PRKN: variants seen among roughly 807,000 people sequenced by gnomAD.
PRKN encodes the protein parkin RBR E3 ubiquitin protein ligase.
Under a neutral mutation model 59.5 loss-of-function variants are expected in PRKN, and 56 were observed. The ratio of observed to expected loss-of-function variants is 0.94; its 90% CI spans 0.76 to 1.18. The LOEUF is 1.18. Ranked by LOEUF, PRKN falls within the 50% of genes most tolerant of loss-of-function variation. PRKN has a pLI of 0.00. For missense variants in PRKN, 657 were observed against 596.4 expected (o/e 1.10, Z -1.06); for synonymous variants, 250 against 222.1 (o/e 1.13, Z -1.12).
chr6:161,864,012 G>A (rs1226929068), intron 6 of PRKN, among the ~76,000 whole-genome samples: 1 of 152,148 alleles, frequency 6.6e-6, no homozygotes, highest in Admixed American at 6.5e-5. Flanking sequence ...TGCTGGTAGA[G>A]GGTCTTGCCT....
intron 2 of PRKN, among the ~76,000 whole-genome samples, chr6:162,314,461 C>G (rs1193741501): frequency 6.6e-6 from 1 of 151,928 alleles, no homozygotes; most frequent in African/African-American, 2.4e-5. Context: ...CTAATTTTGC[C>G]CTTTAGAGTA....
intron 4 of PRKN, among the ~76,000 whole-genome samples, chr6:162,194,432 C>T (rs1165162257): frequency 2.0e-5 from 3 of 152,048 alleles, no homozygotes; most frequent in Non-Finnish European, 4.4e-5. Context: ...TGGAAAAGAA[C>T]ATTTACGGGT....
intron 1 of PRKN, among the ~76,000 whole-genome samples, chr6:162,502,257 C>T (rs533395644): frequency 6.6e-6 from 1 of 152,174 alleles, no homozygotes; most frequent in East Asian, 1.9e-4. Context: ...ACCTTTTGGG[C>T]TCAAGCGACC....
chr6:162,510,247 T>C (rs1312806702), intron 1 of PRKN, among the ~76,000 whole-genome samples: 2 of 152,222 alleles, frequency 1.3e-5, no homozygotes, highest in Non-Finnish European at 2.9e-5. Flanking sequence ...AAGTTGAGTA[T>C]TTTCCTCTTT....
chr6:161,708,907 T>A lies in PRKN; in HGVS notation c.871+76865A>T, dbSNP rs1373987592. On this transcript the variant is annotated intron_variant, in intron 7 of 11. Coordinates refer to ENST00000366898, the MANE Select transcript of PRKN (RefSeq NM_004562.3). ...TCTGTCCTCAAGAAAGTGAAGAATC[T>A]AAGCAAAACTTTGCAGCAACACTTT... Among the ~76,000 whole-genome samples the A allele has an allele frequency of 2.0e-5, 3 of 152,190 alleles. No individual in the cohort carries two copies. In the East Asian group the frequency reaches 5.8e-4, roughly 29 times the overall value.
intron 1 of PRKN, among the ~76,000 whole-genome samples, chr6:162,555,469 C>G (rs1335673841): frequency 4.0e-5 from 6 of 151,752 alleles, no homozygotes; most frequent in Non-Finnish European, 5.9e-5. Flanking sequence ...AAAACATTAC[C>G]CAAATAGAAG....
intron 2 of PRKN, among the ~76,000 whole-genome samples, chr6:162,335,904 C>T (rs573608399): frequency 2.6e-5 from 4 of 151,578 alleles, no homozygotes; most frequent in African/African-American, 9.7e-5. Context: ...AAACAGGAAA[C>T]GTCCTGGGTA....
At chr6:161,757,882 TATATA>T (rs1789009976) in intron 7 of PRKN, among the ~76,000 whole-genome samples, 3 of 97,210 alleles carry the variant, frequency 3.1e-5, no homozygotes, top group African/African-American at 1.4e-4. Context: ...TGTGTATATA[TATATA>T]CACACACACA....
At chr6:162,175,895 A>G (rs1460637337) in intron 4 of PRKN, among the ~76,000 whole-genome samples, 1 of 152,180 alleles carries the variant, frequency 6.6e-6, no homozygotes, top group African/African-American at 2.4e-5. Context: ...TGAATTCTCC[A>G]TATAAAGGCT....
intron 6 of PRKN, among the ~76,000 whole-genome samples, chr6:161,940,531 CTG>C (rs1336253347): frequency 2.6e-5 from 4 of 152,148 alleles, no homozygotes; most frequent in Non-Finnish European, 5.9e-5. Context: ...TTAAAAAACA[CTG>C]AGCATTGGTT....
rs534812815 is a variant in PRKN at position 161,662,972 on chromosome 6, GT to G, written c.872-93557del. On this transcript the variant is annotated intron_variant, in intron 7 of 11. Transcript: ENST00000366898. ...TGTCGTGGAAGAAATCCGGTAGGAG[GT>G]AAGTGAATCATAGGGGTGGGTTTTT... Among the ~76,000 whole-genome samples the G allele has an allele frequency of 5.3e-5, 8 of 152,300 alleles. No homozygotes were observed. In the South Asian group the frequency reaches 6.2e-4, roughly 12 times the overall value.
chr6:162,650,216 G>A (rs549471140), intron 1 of PRKN, among the ~76,000 whole-genome samples: 40 of 152,280 alleles, frequency 2.6e-4, no homozygotes, highest in Non-Finnish European at 4.6e-4. Context: ...GCTAGGAGAC[G>A]AGAGTGAAGA....
intron 3 of PRKN, among the ~76,000 whole-genome samples, chr6:162,206,771 G>A (rs1042968172): frequency 3.3e-5 from 5 of 152,062 alleles, no homozygotes; most frequent in African/African-American, 9.7e-5. Flanking sequence ...CAGGATTATT[G>A]CTACTGTATT....
chr6:161,915,679 T>G (rs372905507), intron 6 of PRKN, among the ~76,000 whole-genome samples: 29 of 152,200 alleles, frequency 1.9e-4, no homozygotes, highest in African/African-American at 6.8e-4. Context: ...AATCAGTTTG[T>G]GGATCTAAGC....
intron 4 of PRKN, among the ~76,000 whole-genome samples, chr6:162,113,521 G>A (rs1311285845): frequency 6.6e-6 from 1 of 152,150 alleles, no homozygotes; most frequent in Non-Finnish European, 1.5e-5. Context: ...TGAAGGGAGA[G>A]GGATATGTAG....
chr6:161,700,129 TTC>T (rs1786192519), intron 7 of PRKN, among the ~76,000 whole-genome samples: 4 of 151,946 alleles, frequency 2.6e-5, no homozygotes, highest in African/African-American at 9.7e-5. Flanking sequence ...TGAACATCTT[TTC>T]CATCTTCTTT....
At chr6:162,580,781 T>C (rs183643346) in intron 1 of PRKN, among the ~76,000 whole-genome samples, 5 of 152,332 alleles carry the variant, frequency 3.3e-5, no homozygotes, top group Non-Finnish European at 5.9e-5. Context: ...TGGGCACAGG[T>C]TCTCAGCAGG....
At chr6:162,399,729 C>T (rs1017487675) in intron 2 of PRKN, among the ~76,000 whole-genome samples, 1 of 151,368 alleles carries the variant, frequency 6.6e-6, no homozygotes, top group African/African-American at 2.4e-5. Context: ...TGAAACAAGA[C>T]AACAGAGCAG....
chr6:162,092,623 A>T (rs1003770932), intron 4 of PRKN, among the ~76,000 whole-genome samples: 6 of 152,198 alleles, frequency 3.9e-5, no homozygotes, highest in African/African-American at 1.4e-4. Flanking sequence ...TAAGGGGCTA[A>T]TAAGGTATAT....
Sources: allele counts gnomAD v4.1 joint callset (sites outside exome capture counted in the v4.1 genomes callset), GRCh38; gene constraint gnomAD v4.1.1; transcripts MANE v1.5; gene names NCBI Gene and HGNC (gene_info 2026-07-23, HGNC 2026-07-21).